The following KYNU variants were observed in gnomAD, a reference collection of about 807,000 sequenced individuals.
The protein encoded by KYNU is L-kynurenine hydrolase.
KYNU carries 54 observed loss-of-function variants against 59.2 expected under a neutral mutation model. That is an observed-to-expected ratio of 0.91 (90% CI 0.73 to 1.14). The LOEUF (loss-of-function observed/expected upper bound fraction) is 1.14. KYNU is among the 50% of genes most tolerant of loss of function. The pLI, the probability that KYNU is intolerant of heterozygous loss-of-function variation, is 0.00. For synonymous variants in KYNU, 177 were observed against 192.0 expected, an observed-to-expected ratio of 0.92 and a Z score of 0.65; for missense variants, 567 against 554.4, an observed-to-expected ratio of 1.02 and a Z score of -0.23.
At chr2:142,965,057 G>A (rs1684484019) in intron 8 of KYNU, among the ~76,000 whole-genome samples, 1 of 152,128 alleles carries the variant, frequency 6.6e-6, no homozygotes. Flanking sequence ...CCCCTGCATT[G>A]TATCTCTAGT....
chr2:142,951,452 G>C (rs1311688539), intron 4 of KYNU, among the ~76,000 whole-genome samples: 1 of 152,166 alleles, frequency 6.6e-6, no homozygotes, highest in African/African-American at 2.4e-5. Context: ...TTTGACCTTG[G>C]GAGGCAGAGT....
intron 4 of KYNU, among the ~76,000 whole-genome samples, chr2:142,948,662 C>T (rs746099031): frequency 6.6e-6 from 1 of 152,156 alleles, no homozygotes; most frequent in East Asian, 1.9e-4. Flanking sequence ...ACAGGAAAGA[C>T]CTGCCCTCTT....
intron 12 of KYNU, among the ~76,000 whole-genome samples, chr2:143,038,771 G>A (rs942691175): frequency 6.6e-6 from 1 of 152,054 alleles, no homozygotes; most frequent in African/African-American, 2.4e-5. Flanking sequence ...TGGCTGAATG[G>A]TTTGAGTTTT....
intron 8 of KYNU, among the ~76,000 whole-genome samples, chr2:142,981,647 A>G (rs1055737806): frequency 3.3e-5 from 5 of 151,966 alleles, no homozygotes; most frequent in African/African-American, 1.2e-4. Flanking sequence ...CGTATTGCTC[A>G]TTTTCTTTGG....
At chr2:142,893,237 A>C (rs566233236) in intron 2 of KYNU, among the ~76,000 whole-genome samples, 1 of 152,338 alleles carries the variant, frequency 6.6e-6, no homozygotes, top group East Asian at 1.9e-4. Context: ...CCTAAGTGAG[A>C]AGAAGGTGGT....
intron 2 of KYNU, among the ~76,000 whole-genome samples, chr2:142,917,401 C>A (rs1212642368): frequency 3.3e-5 from 5 of 152,058 alleles, no homozygotes; most frequent in Non-Finnish European, 7.4e-5. Flanking sequence ...AGGCACTAAA[C>A]TTGGACTCAA....
At chr2:143,028,147 C>G (rs974753033) in intron 10 of KYNU, among the ~76,000 whole-genome samples, 1 of 150,724 alleles carries the variant, frequency 6.6e-6, no homozygotes, top group African/African-American at 2.4e-5. Context: ...ATATTTTTCT[C>G]TAAATTGTTT....
At chr2:143,012,490 C>CAA (rs1255670962) in intron 10 of KYNU, among the ~76,000 whole-genome samples, 2 of 79,926 alleles carry the variant, frequency 2.5e-5, no homozygotes, top group African/African-American at 8.2e-5. Context: ...CTCCAAAAAA[C>CAA]AAAAAAAAAA....
rs1020883143 is a variant in KYNU at position 143,050,356 on chromosome 2, T to G, written c.*8184T>G. The stretch of plus-strand genomic sequence containing the variant: ...TGTGTTGTTCCCCTCTCTGTGTCCA[T>G]GTATTCTCGCCTCCCACTTATGAGT... On this transcript the variant is annotated 3_prime_UTR_variant, in exon 14 of 14. Coordinates refer to ENST00000264170, the MANE Select transcript of KYNU (RefSeq NM_003937.3). 3 of 151,998 alleles carry G rather than the reference T, an allele frequency of 2.0e-5. No individual in the cohort carries two copies. The highest frequency in any genetic ancestry group is 7.3e-5 in the African/African-American group (3 of 41,378). The allele number at this position is 151,998 out of a possible 1,614,324, so 9.4% of individuals were successfully genotyped here.
chr2:142,922,608 T>C (rs972309206), intron 3 of KYNU, among the ~76,000 whole-genome samples: 7 of 152,202 alleles, frequency 4.6e-5, no homozygotes, highest in African/African-American at 1.7e-4. Flanking sequence ...TATCCAAGTA[T>C]TGTAAAGTAG....
intron 10 of KYNU, among the ~76,000 whole-genome samples, chr2:143,003,376 C>A (rs1168052812): frequency 2.6e-5 from 4 of 152,010 alleles, no homozygotes; most frequent in Non-Finnish European, 5.9e-5. Flanking sequence ...CCAGCCTGGC[C>A]AAGATGGTGA....
At chr2:142,908,665 TG>T (rs1467982648) in intron 2 of KYNU, among the ~76,000 whole-genome samples, 1 of 152,092 alleles carries the variant, frequency 6.6e-6, no homozygotes, top group Non-Finnish European at 1.5e-5. Context: ...GATGGAGTCT[TG>T]CTCTGTTGCC....
intron 13 of KYNU, 133 bp from the exon 14 acceptor site, chr2:143,041,914 T>TA (rs969160159): frequency 9.5e-6 from 8 of 839,308 alleles, no homozygotes; most frequent in African/African-American, 1.7e-5. Flanking sequence ...TGTTTTAAAG[T>TA]AAAAAAATTT....
At position 142,977,372 on chromosome 2, in the gene KYNU, G is replaced by GATATATATATATATATATAT. The variant is rs70997538; in HGVS notation, c.730-7698_730-7697insATATATATATATATATATAT. Among the ~76,000 whole-genome samples the GATATATATATATATATATAT allele has an allele frequency of 8.4e-3, 1,101 of 131,130 alleles. 28 individuals carry two copies. Among genetic ancestry groups the GATATATATATATATATATAT allele is most frequent in the African/African-American group, 0.024 (828 of 34,566 alleles). 86.0% of individuals were successfully genotyped at this position (131,130 alleles called of 152,430 possible). A position where few individuals can be genotyped will look rare whatever the true frequency, so the allele number is the denominator to read the frequency against. ...AGCTTCCTGGATGGAATTTTGTGTG[G>GATATATATATATATATATAT]ATATATATATATATGAATAATCATA... On this transcript the variant is annotated intron_variant, in intron 8 of 13. Transcript: ENST00000264170.
chr2:142,885,340 C>G lies in KYNU; in HGVS notation c.-19-9C>G, dbSNP rs1295227155. On this transcript the variant is annotated splice_polypyrimidine_tract_variant and intron_variant, in intron 1 of 13. Coordinates refer to ENST00000264170, the MANE Select transcript of KYNU (RefSeq NM_003937.3). ...GGTGGCTAGATTATGTTTTATTATT[C>G]TCTTTCAGTTTTAGAGAACAACTTG... 6.2e-7 allele frequency: 1 copy of G among 1,609,198 alleles called. No individual in the cohort carries two copies. The highest frequency in any genetic ancestry group is 8.5e-7 in the Non-Finnish European group (1 of 1,176,064).
intron 10 of KYNU, among the ~76,000 whole-genome samples, chr2:143,021,964 AT>A (rs1485118077): frequency 6.6e-6 from 1 of 152,122 alleles, no homozygotes; most frequent in African/African-American, 2.4e-5. Flanking sequence ...GTTTGTTGCA[AT>A]TTAGATTTCA....
chr2:142,991,862 G>T (rs1487430059), intron 10 of KYNU, among the ~76,000 whole-genome samples: 1 of 151,726 alleles, frequency 6.6e-6, no homozygotes, highest in Non-Finnish European at 1.5e-5. Flanking sequence ...ATTTTCATCT[G>T]ATTGCAAATT....
chr2:142,899,449 A>T (rs2104941824), intron 2 of KYNU, among the ~76,000 whole-genome samples: 1 of 152,268 alleles, frequency 6.6e-6, no homozygotes, highest in East Asian at 1.9e-4. Context: ...TAGGCTTAGG[A>T]ATTCTTAGTC....
Position 143,046,368 on chromosome 2 carries a change from C to T in KYNU, c.*4196C>T, listed in dbSNP as rs531496754. On this transcript the variant is annotated 3_prime_UTR_variant, in exon 14 of 14. Transcript: ENST00000264170. ...TGTAGCTTTCCATTCATTTTCACTG[C>T]TGCTCAGTATTGTATTACAAATTTT... is the stretch of plus-strand genomic sequence containing the variant. The T allele has an allele frequency of 6.6e-6, 1 of 152,184 alleles. No individual in the cohort carries two copies. Among genetic ancestry groups the T allele is most frequent in the African/African-American group, 2.4e-5 (1 of 41,534 alleles). 9.4% of individuals were successfully genotyped at this position (152,184 alleles called of 1,614,324 possible). A position where few individuals can be genotyped will look rare whatever the true frequency, so the allele number is the denominator to read the frequency against.
Sources: allele counts gnomAD v4.1 joint callset (sites outside exome capture counted in the v4.1 genomes callset), GRCh38; gene constraint gnomAD v4.1.1; transcripts MANE v1.5; gene names NCBI Gene and HGNC (gene_info 2026-07-23, HGNC 2026-07-21).